The following CCDC13 variants were observed in gnomAD, a reference collection of about 807,000 sequenced individuals.
The protein encoded by CCDC13 is coiled-coil domain-containing protein 13.
CCDC13 carries 70 observed loss-of-function variants against 87.3 expected under a neutral mutation model. That is an observed-to-expected ratio of 0.80 (90% CI 0.66 to 0.98). The LOEUF (loss-of-function observed/expected upper bound fraction) is 0.98. CCDC13 is among the 50% of genes least tolerant of loss of function. CCDC13 has a pLI of 0.00. For synonymous variants in CCDC13, 317 were observed against 360.3 expected, an observed-to-expected ratio of 0.88 and a Z score of 1.36; for missense variants, 842 against 892.0, an observed-to-expected ratio of 0.94 and a Z score of 0.71.
At chr3:42,721,811 C>A (rs1416030173) in intron 13 of CCDC13, among the ~76,000 whole-genome samples, 1 of 152,174 alleles carries the variant, frequency 6.6e-6, no homozygotes, top group Non-Finnish European at 1.5e-5. Flanking sequence ...ACTTGTAGAG[C>A]CAATAAAAAC....
At chr3:42,726,746 T>C (rs903287945) in intron 13 of CCDC13, among the ~76,000 whole-genome samples, 1 of 151,786 alleles carries the variant, frequency 6.6e-6, no homozygotes, top group African/African-American at 2.4e-5. Context: ...TATTTACATA[T>C]ATGTAAAGTC....
intron 1 of CCDC13, among the ~76,000 whole-genome samples, chr3:42,765,222 T>TA (rs1309569822): frequency 6.6e-6 from 1 of 152,126 alleles, no homozygotes; most frequent in Non-Finnish European, 1.5e-5. Flanking sequence ...TAATTATCAT[T>TA]ATCACTGTAT....
intron 13 of CCDC13, among the ~76,000 whole-genome samples, chr3:42,727,831 A>C (rs1267440549): frequency 6.6e-6 from 1 of 152,226 alleles, no homozygotes; most frequent in African/African-American, 2.4e-5. Flanking sequence ...AAACTTGCAA[A>C]GAAGTAAGAG....
At chr3:42,751,832 T>G (rs1575323215) in intron 5 of CCDC13, 104 bp downstream of exon 5, 1 of 996,088 alleles carries the variant, frequency 1.0e-6, no homozygotes, top group Non-Finnish European at 1.5e-6. Flanking sequence ...GGGTTGGGGG[T>G]TGGGGGTGGA....
At chr3:42,723,379 A>C (rs1369371397) in intron 13 of CCDC13, among the ~76,000 whole-genome samples, 1 of 152,238 alleles carries the variant, frequency 6.6e-6, no homozygotes, top group Non-Finnish European at 1.5e-5. Flanking sequence ...TCATCTGATG[A>C]GTAACCTTAA....
chr3:42,737,933 T>C (rs920395231), intron 9 of CCDC13, among the ~76,000 whole-genome samples: 27 of 152,376 alleles, frequency 1.8e-4, no homozygotes, highest in Admixed American at 1.6e-3. Context: ...CATTTGTCTA[T>C]TTTGGCTTTT....
At chr3:42,704,919 G>A (rs912804396), downstream of CCDC13, 1 of 152,116 alleles carries the variant, frequency 6.6e-6, no homozygotes, top group Admixed American at 6.5e-5. Flanking sequence ...GACTTTTTTT[G>A]TTTGGTTGTT....
intron 1 of CCDC13, among the ~76,000 whole-genome samples, chr3:42,770,236 C>T (rs572812497): frequency 6.6e-6 from 1 of 151,964 alleles, no homozygotes; most frequent in Non-Finnish European, 1.5e-5. Flanking sequence ...CAATCAGCAC[C>T]CTATGTCTAG....
At chr3:42,720,464 T>C (rs1463014129) in intron 13 of CCDC13, among the ~76,000 whole-genome samples, 1 of 152,236 alleles carries the variant, frequency 6.6e-6, no homozygotes, top group Non-Finnish European at 1.5e-5. Flanking sequence ...TCCATACTAG[T>C]ACATAATTAA....
At chr3:42,748,572 C>T (rs1406602762) in intron 5 of CCDC13, among the ~76,000 whole-genome samples, 1 of 152,186 alleles carries the variant, frequency 6.6e-6, no homozygotes, top group African/African-American at 2.4e-5. Flanking sequence ...AAAGACAGAT[C>T]CAAGTATACT....
At chr3:42,749,674 G>C (rs1367383937) in intron 5 of CCDC13, 1 of 351,206 alleles carries the variant, frequency 2.8e-6, no homozygotes, top group African/African-American at 2.2e-5. Context: ...CCATTTCAGA[G>C]TTCTTTCTTC....
At chr3:42,753,612 G>A (rs1699637670) in intron 3 of CCDC13, among the ~76,000 whole-genome samples, 1 of 152,204 alleles carries the variant, frequency 6.6e-6, no homozygotes, top group Non-Finnish European at 1.5e-5. Context: ...AAATACACTG[G>A]AGCTGGGCAA....
In CCDC13 at chr3:42,706,314, T is replaced by C. The variant is rs959418410; in HGVS notation, c.*2666A>G. ...TCTGTGCCTGGGGCAGAGGAACTGC[T>C]CAACAAGTTCTGGTTGAACAAATGG... On this transcript the variant is annotated 3_prime_UTR_variant, in exon 16 of 16. Transcript: ENST00000310232. The C allele has an allele frequency of 6.6e-6, 1 of 152,278 alleles. No individual in the cohort carries two copies. Among genetic ancestry groups the C allele is most frequent in the Non-Finnish European group, 1.5e-5 (1 of 68,056 alleles). 9.4% of individuals were successfully genotyped at this position (152,278 alleles called of 1,614,324 possible). A position where few individuals can be genotyped will look rare whatever the true frequency, so the allele number is the denominator to read the frequency against.
At chr3:42,765,469 G>C (rs1314396315) in intron 1 of CCDC13, among the ~76,000 whole-genome samples, 2 of 152,114 alleles carry the variant, frequency 1.3e-5, no homozygotes, top group East Asian at 3.8e-4. Context: ...GCAATGGCAC[G>C]ATCTCGGCTC....
In CCDC13 at chr3:42,745,946, G is replaced by C; in HGVS notation, c.802C>G (p.Gln268Glu). Residue 268 changes from glutamine to glutamate, a missense_variant, in exon 7 of 16, where the codon CAA (glutamine) becomes GAA (glutamate). Gln to Glu is a conservative substitution (Grantham distance 29). Coordinates refer to ENST00000310232, the MANE Select transcript of CCDC13 (RefSeq NM_144719.4). ...SPGTWRGRAQQILVLQSKVQE... is the reference protein window; with the variant it reads ...SPGTWRGRAQEILVLQSKVQE... ...ACCTTGCTCTGCAAAACAAGAATTTGTTGAGCCCGACCCCTCCAGGTCCCT... is the reference window on the plus strand; with the variant it reads ...ACCTTGCTCTGCAAAACAAGAATTTCTTGAGCCCGACCCCTCCAGGTCCCT... The C allele has an allele frequency of 6.2e-7, 1 of 1,613,980 alleles. No homozygotes were observed. The highest frequency in any genetic ancestry group is 8.5e-7 in the Non-Finnish European group (1 of 1,179,916).
At chr3:42,722,299 C>T (rs1461977058) in intron 13 of CCDC13, among the ~76,000 whole-genome samples, 5 of 152,128 alleles carry the variant, frequency 3.3e-5, no homozygotes, top group Non-Finnish European at 7.3e-5. Flanking sequence ...ATCTTCGTCC[C>T]TCTGCAACCC....
intron 1 of CCDC13, among the ~76,000 whole-genome samples, chr3:42,769,723 C>CGG (rs771847762): frequency 2.6e-5 from 4 of 152,196 alleles, no homozygotes; most frequent in Non-Finnish European, 5.9e-5. Flanking sequence ...TGAGAGGTGC[C>CGG]GGTGAGAACT....
intron 5 of CCDC13, among the ~76,000 whole-genome samples, chr3:42,748,843 C>G (rs535162359): frequency 6.6e-6 from 1 of 152,268 alleles, no homozygotes; most frequent in Admixed American, 6.5e-5. Flanking sequence ...CAACCTCCGC[C>G]CCCCCGGGTT....
At chr3:42,729,845 T>C (rs148295602) in intron 13 of CCDC13, among the ~76,000 whole-genome samples, 19 of 152,304 alleles carry the variant, frequency 1.2e-4, no homozygotes, top group African/African-American at 4.6e-4. Context: ...AGAAACTCAG[T>C]GGTGTGCTTA....
Sources: gnomAD v4.1 joint callset for allele counts (sites outside exome capture counted in the v4.1 genomes callset) on GRCh38, gnomAD v4.1.1 for gene constraint, MANE v1.5 for transcripts, NCBI Gene and HGNC (gene_info 2026-07-23, HGNC 2026-07-21) for gene names.